Variants in PTK2 observed in about 807,000 individuals in gnomAD.
PTK2 encodes the protein focal adhesion kinase 1.
In PTK2, 45 loss-of-function variants were observed where a neutral mutation model predicts 150.1. The observed-to-expected ratio is 0.30, with a 90% CI of 0.24 to 0.38. The LOEUF (loss-of-function observed/expected upper bound fraction) is 0.38. Ranked by LOEUF, PTK2 falls within the 10% of genes least tolerant of loss-of-function variation. The probability of loss-of-function intolerance (pLI) is 1.00; values close to 1 mark genes in which losing one functional copy is unlikely to be tolerated. For synonymous variants in PTK2, 432 were observed against 449.2 expected (o/e 0.96, Z 0.48); for missense variants, 919 against 1,307.3 (o/e 0.70, Z 4.58).
At chr8:140,764,161 A>G in intron 15 of PTK2, 73 bp downstream of exon 17, 1 of 1,200,252 alleles carries the variant, frequency 8.3e-7, no homozygotes, top group South Asian at 1.2e-5. Flanking sequence ...AAAGACAGTA[A>G]GTATCAATAA....
chr8:140,660,680 C>T (rs768109402), intron 31 of PTK2: 8 of 450,696 alleles, frequency 1.8e-5, no homozygotes, highest in African/African-American at 4.0e-5. Flanking sequence ...GAGCCAAGAT[C>T]GTGCCATTGC....
chr8:140,809,229 A>C (rs1043287300), intron 10 of PTK2, among the ~76,000 whole-genome samples: 1 of 152,194 alleles, frequency 6.6e-6, no homozygotes, highest in Admixed American at 6.5e-5. Context: ...ACAAAAACAG[A>C]ATGAAGAAAA....
chr8:140,715,268 G>C (rs1402178907), intron 23 of PTK2, among the ~76,000 whole-genome samples: 1 of 131,376 alleles, frequency 7.6e-6, no homozygotes, highest in African/African-American at 2.8e-5. Flanking sequence ...TGCCTCCTGA[G>C]TTCAAGCAAT....
chr8:140,756,711 G>A (rs542953878), intron 16 of PTK2, among the ~76,000 whole-genome samples: 4 of 148,600 alleles, frequency 2.7e-5, no homozygotes, highest in East Asian at 2.0e-4. Context: ...AAAAAAAGGC[G>A]GGGCGCGGTG....
At position 140,820,076 on chromosome 8, in the gene PTK2, G is replaced by GTTT. The variant is rs370537018; in HGVS notation, c.649-1059_649-1057dup. The stretch of plus-strand genomic sequence containing the variant: ...AGAGGAGTGACTTTATCTGACTTTG[G>GTTT]TTTTTTTTTTTTTTTTTTTTTTTTT... On this transcript the variant is annotated intron_variant, in intron 8 of 31. Coordinates refer to ENST00000522684, the Ensembl canonical transcript of PTK2. 2.4e-3 allele frequency among the ~76,000 whole-genome samples: 123 copies of GTTT among 50,254 alleles called. 21 individuals carry two copies. Among genetic ancestry groups the GTTT allele is most frequent in the Non-Finnish European group, 3.8e-3 (91 of 23,966 alleles). The allele number at this position is 50,254 out of a possible 152,430, so 33.0% of individuals were successfully genotyped here.
At chr8:140,961,812 G>T (rs572736175) in intron 1 of PTK2, among the ~76,000 whole-genome samples, 2 of 152,220 alleles carry the variant, frequency 1.3e-5, no homozygotes, top group African/African-American at 4.8e-5. Context: ...TTAGATAAAA[G>T]AAAGCAAAGG....
In PTK2 at chr8:140,752,275, G is replaced by C. The variant is rs753752073; in HGVS notation, c.1374C>G (p.Asn458Lys). ...TCTCTCTCACGCTGTCCGAAGTACA[G>C]TTTTTACATGTTTTAATTGCAACCG... Residue 458 changes from asparagine to lysine, a missense_variant, in exon 17 of 32, where the codon AAC (asparagine) becomes AAG (lysine). This residue lies in a region of PTK2 where 555 missense variants were observed against 880.1 expected (regional missense o/e 0.63). Transcript: ENST00000522684. 3.3e-5 allele frequency: 53 copies of C among 1,613,966 alleles called. No individual in the cohort carries two copies. Among genetic ancestry groups the C allele is most frequent in the Non-Finnish European group, 4.0e-5 (47 of 1,179,980 alleles).
chr8:140,732,726 G>A (rs544457720), intron 22 of PTK2: 38 of 340,964 alleles, frequency 1.1e-4, no homozygotes, highest in Non-Finnish European at 1.8e-4. Context: ...AGTGTTTATC[G>A]AACTGAATTG....
chr8:140,785,642 G>A (rs987911675), intron 14 of PTK2, among the ~76,000 whole-genome samples: 1 of 152,162 alleles, frequency 6.6e-6, no homozygotes, highest in Admixed American at 6.5e-5. Context: ...ACACTTGGGA[G>A]TGTAACAGTT....
intron 1 of PTK2, among the ~76,000 whole-genome samples, chr8:140,965,172 A>G (rs1031250747): frequency 3.3e-5 from 5 of 152,224 alleles, no homozygotes; most frequent in African/African-American, 1.2e-4. Context: ...TGTCAAGCCA[A>G]GTCTAACTCT....
chr8:140,660,226 G>A (rs914699937), intron 31 of PTK2, among the ~76,000 whole-genome samples: 1 of 152,144 alleles, frequency 6.6e-6, no homozygotes, highest in East Asian at 1.9e-4. Flanking sequence ...TAGAACCACA[G>A]AATCTGACAG....
intron 1 of PTK2, among the ~76,000 whole-genome samples, chr8:140,941,000 AAATTC>A (rs1304213094): frequency 6.6e-6 from 1 of 152,174 alleles, no homozygotes; most frequent in Non-Finnish European, 1.5e-5. Flanking sequence ...AAAAAAAAAT[AAATTC>A]AACATGTGTA....
At chr8:140,743,174 T>C in intron 20 of PTK2, 56 bp downstream of exon 23, 2 of 1,214,804 alleles carry the variant, frequency 1.6e-6, no homozygotes, top group Non-Finnish European at 2.4e-6. Context: ...ATACTGTTTT[T>C]AGAAATACGT....
At chr8:140,720,847 A>C (rs568561649) in intron 22 of PTK2, among the ~76,000 whole-genome samples, 9 of 152,084 alleles carry the variant, frequency 5.9e-5, no homozygotes, top group Non-Finnish European at 1.3e-4. Context: ...TCTACCTCCC[A>C]GGTTCAAGCG....
At chr8:140,688,710 ACT>A (rs1242013474) in intron 26 of PTK2, among the ~76,000 whole-genome samples, 1 of 152,102 alleles carries the variant, frequency 6.6e-6, no homozygotes, top group Non-Finnish European at 1.5e-5. Context: ...ACTAAGCAAG[ACT>A]CTGCTCTGTT....
chr8:140,709,541 G>T (rs1448590982), intron 23 of PTK2, among the ~76,000 whole-genome samples: 2 of 152,234 alleles, frequency 1.3e-5, no homozygotes, highest in African/African-American at 4.8e-5. Flanking sequence ...AGTGTTCACA[G>T]TTAGGGTGCT....
At chr8:140,857,762 A>C (rs2100133610) in intron 5 of PTK2, among the ~76,000 whole-genome samples, 1 of 152,162 alleles carries the variant, frequency 6.6e-6, no homozygotes, top group African/African-American at 2.4e-5. Flanking sequence ...GTGTCTTCAA[A>C]ATCTACTCAA....
At chr8:140,691,334 G>T (rs2100023101) in intron 26 of PTK2, among the ~76,000 whole-genome samples, 1 of 152,132 alleles carries the variant, frequency 6.6e-6, no homozygotes, top group African/African-American at 2.4e-5. Context: ...CTTGGTATAA[G>T]TTTCCAAACT....
At chr8:140,800,975 T>G (rs950311597) in intron 11 of PTK2, among the ~76,000 whole-genome samples, 2 of 152,228 alleles carry the variant, frequency 1.3e-5, no homozygotes, top group Admixed American at 6.5e-5. Flanking sequence ...CCATCATAAT[T>G]TCTAATGTAA....
Sources: gnomAD v4.1 joint callset for allele counts (sites outside exome capture counted in the v4.1 genomes callset) on GRCh38, gnomAD v4.1.1 for gene constraint, gnomAD v4.1.1 regional missense constraint, MANE v1.5 for transcripts, NCBI Gene and HGNC (gene_info 2026-07-23, HGNC 2026-07-21) for gene names.